MAPK8IP1: variants seen among roughly 807,000 people sequenced by gnomAD.
MAPK8IP1 encodes the protein mitogen-activated protein kinase 8 interacting protein 1, also known as C-Jun-amino-terminal kinase-interacting protein 1.
Under a neutral mutation model 72.6 loss-of-function variants are expected in MAPK8IP1, and 17 were observed. The observed-to-expected ratio is 0.23, with a 90% CI of 0.16 to 0.35. The LOEUF (loss-of-function observed/expected upper bound fraction) is 0.35. Among genes scored for constraint, MAPK8IP1 ranks in the 10% least tolerant of loss-of-function variants. The pLI, the probability that MAPK8IP1 is intolerant of heterozygous loss-of-function variation, is 1.00. For missense variants in MAPK8IP1, 789 were observed against 1,009.7 expected (o/e 0.78, Z 2.96); for synonymous variants, 401 against 443.4 (o/e 0.90, Z 1.20).
chr11:45,904,693 A>AC lies in MAPK8IP1; in HGVS notation c.1777-24dup, dbSNP rs765536670. The AC allele has an allele frequency of 9.3e-6, 15 of 1,611,446 alleles. No individual in the cohort carries two copies. Among genetic ancestry groups the AC allele is most frequent in the Middle Eastern group, 3.3e-4 (2 of 6,050 alleles). ...TCAGCAGAGGAACAGACAGCAGCTG[A>AC]CGTGGCTCCATTTGTCACCTGTAGA... On this transcript the variant is annotated intron_variant, in intron 8 of 11. Coordinates refer to ENST00000241014, the MANE Select transcript of MAPK8IP1 (RefSeq NM_005456.4). This position sits in a 1 kb window ranked among gnomAD's most constrained non-coding sequence, Gnocchi z 6.4.
chr11:45,895,788 T>G (rs1157967796), intron 1 of MAPK8IP1, among the ~76,000 whole-genome samples: 2 of 152,024 alleles, frequency 1.3e-5, no homozygotes, highest in Non-Finnish European at 2.9e-5. Context: ...GGTGACCATC[T>G]GGGCAACCAG....
At position 45,903,382 on chromosome 11, in the gene MAPK8IP1, C is replaced by T. The variant is rs754689894; in HGVS notation, c.1435C>T (p.Leu479=). Residue 479 remains leucine (L), a synonymous_variant, in exon 6 of 12, where the codon CTG becomes TTG. Transcript: ENST00000241014. This position sits in a 1 kb window ranked among gnomAD's most constrained non-coding sequence, Gnocchi z 6.4. The stretch of plus-strand genomic sequence containing the variant: ...ACCTGCAGGTGCTGAGTCCTTCGGG[C>T]TGTTCTCCTGCATCATCAACGGGGA... The part of the protein sequence containing the change: ...SRSSSAESFG[L]FSCIINGEEQ... 3 of 1,613,636 alleles carry T rather than the reference C, an allele frequency of 1.9e-6. No homozygotes were observed. In the African/African-American group the frequency reaches 4.0e-5, roughly 22 times the overall value.
chr11:45,896,616 C>G, intron 1 of MAPK8IP1: 2 of 1,351,600 alleles, frequency 1.5e-6, no homozygotes, highest in Non-Finnish European at 1.9e-6. Flanking sequence ...CCAGGCCAGC[C>G]GGGAGGAAGG....
In MAPK8IP1 at chr11:45,904,665, G is replaced by T. The variant is rs1025566641; in HGVS notation, c.1777-53G>T. Reference sequence around the variant, plus strand: ...AAGGGCTCAGGCCCTGGGACAGGAGGGATCAGCAGAGGAACAGACAGCAGC... The same window carrying T: ...AAGGGCTCAGGCCCTGGGACAGGAGTGATCAGCAGAGGAACAGACAGCAGC... On this transcript the variant is annotated intron_variant, in intron 8 of 11. Transcript: ENST00000241014. This position sits in a 1 kb window ranked among gnomAD's most constrained non-coding sequence, Gnocchi z 6.4. 6 of 1,601,470 alleles carry T rather than the reference G, an allele frequency of 3.7e-6. No homozygotes were observed. The African/African-American group carries it at 8.0e-5, about 21-fold the overall frequency.
rs1342396733 is a variant in MAPK8IP1 at position 45,896,548 on chromosome 11, T to C, written c.102-1537T>C. The C allele has an allele frequency of 1.1e-5, 13 of 1,147,294 alleles. No individual in the cohort carries two copies. The East Asian group carries it at 5.7e-4, about 50-fold the overall frequency. The allele number at this position is 1,147,294 out of a possible 1,614,324, so 71.1% of individuals were successfully genotyped here. A position where few individuals can be genotyped will look rare whatever the true frequency, so the allele number is the denominator to read the frequency against. On this transcript the variant is annotated intron_variant, in intron 1 of 11. Coordinates refer to ENST00000241014, the MANE Select transcript of MAPK8IP1 (RefSeq NM_005456.4). ...GGAAGGGCAGGTGGAGCCAGTGGCA[T>C]TGATTGCAGTAACCTGATCCCGTGA... is the stretch of plus-strand genomic sequence containing the variant.
chr11:45,886,042 T>C lies in MAPK8IP1; in HGVS notation c.101+121T>C, dbSNP rs1369179083. The stretch of plus-strand genomic sequence containing the variant: ...CGGGAACGAAAGGGCTGCGTGGGAG[T>C]GGGGTCTCTTCCCGGGACAGAGCCC... On this transcript the variant is annotated intron_variant, in intron 1 of 11. Coordinates refer to ENST00000241014, the MANE Select transcript of MAPK8IP1 (RefSeq NM_005456.4). The C allele has an allele frequency of 1.6e-5, 9 of 555,472 alleles. No homozygotes were observed. In the Admixed American group the frequency reaches 3.0e-4, roughly 18 times the overall value. 34.4% of individuals were successfully genotyped at this position (555,472 alleles called of 1,614,324 possible).
rs2086708082 is a variant in MAPK8IP1 at position 45,906,186 on chromosome 11, C to G, written c.*465C>G. The G allele has an allele frequency of 3.3e-6, 1 of 306,294 alleles. No homozygotes were observed. The highest frequency in any genetic ancestry group is 2.1e-5 in the African/African-American group (1 of 47,050). The allele number at this position is 306,294 out of a possible 1,614,324, so 19.0% of individuals were successfully genotyped here. On this transcript the variant is annotated 3_prime_UTR_variant, in exon 12 of 12. Coordinates refer to ENST00000241014, the MANE Select transcript of MAPK8IP1 (RefSeq NM_005456.4). The stretch of plus-strand genomic sequence containing the variant: ...CGAAGAGCCCTGAGCTCAGGCTGAG[C>G]CCAGCCACCTCCCAAGGACTTTCCA...
intron 1 of MAPK8IP1, among the ~76,000 whole-genome samples, chr11:45,890,242 G>T (rs923763087): frequency 1.3e-5 from 2 of 152,204 alleles, no homozygotes; most frequent in Admixed American, 1.3e-4. Flanking sequence ...ACAGCCAGAG[G>T]AGCTGGCAGG....
At position 45,903,228 on chromosome 11, in the gene MAPK8IP1, G is replaced by A. The variant is rs541131932; in HGVS notation, c.1417+44G>A. ...GCAGTGGGGTGGGGGGGTCCCTAGC[G>A]GGGGCAGAGCCAAAATGCGAAGTGT... is the stretch of plus-strand genomic sequence containing the variant. On this transcript the variant is annotated intron_variant, in intron 5 of 11. Coordinates refer to ENST00000241014, the MANE Select transcript of MAPK8IP1 (RefSeq NM_005456.4). This position sits in a 1 kb window ranked among gnomAD's most constrained non-coding sequence, Gnocchi z 6.4. 4.9e-5 allele frequency: 78 copies of A among 1,589,552 alleles called. No individual in the cohort carries two copies. Among genetic ancestry groups the A allele is most frequent in the South Asian group, 4.9e-4 (44 of 89,894 alleles).
intron 1 of MAPK8IP1, among the ~76,000 whole-genome samples, chr11:45,888,698 A>G (rs562299302): frequency 6.6e-6 from 1 of 151,078 alleles, no homozygotes; most frequent in South Asian, 2.1e-4. Flanking sequence ...TATTTTACAT[A>G]CTTTTTTTTT....
In MAPK8IP1 at chr11:45,900,184, G is replaced by A. The variant is rs1158609726; in HGVS notation, c.254G>A (p.Ser85Asn). ...TCTGCGGGCGGCGGCGGCGCGGGGA[G>A]CCGGTTGCAGGCCGAGATGCTGCAG... ...LLSAGGGGAGSRLQAEMLQMD... is the reference protein window; with the variant it reads ...LLSAGGGGAGNRLQAEMLQMD... Residue 85 changes from serine to asparagine, a missense_variant, in exon 3 of 12, where the codon AGC becomes AAC. By Grantham distance (46) the Ser-to-Asn change is conservative. Transcript: ENST00000241014. This position sits in a 1 kb window ranked among gnomAD's most constrained non-coding sequence, Gnocchi z 6.5. 6 of 1,315,394 alleles carry A rather than the reference G, an allele frequency of 4.6e-6. No homozygotes were observed. Among genetic ancestry groups the A allele is most frequent in the Non-Finnish European group, 4.8e-6 (5 of 1,039,636 alleles). 81.5% of individuals were successfully genotyped at this position (1,315,394 alleles called of 1,614,324 possible). A position where few individuals can be genotyped will look rare whatever the true frequency, so the allele number is the denominator to read the frequency against.
At chr11:45,889,157 T>C (rs921979496) in intron 1 of MAPK8IP1, among the ~76,000 whole-genome samples, 3 of 152,252 alleles carry the variant, frequency 2.0e-5, no homozygotes, top group African/African-American at 4.8e-5. Flanking sequence ...AATTGATTTT[T>C]TCTTATATAT....
At chr11:45,892,240 G>A (rs1019024563) in intron 1 of MAPK8IP1, among the ~76,000 whole-genome samples, 18 of 152,240 alleles carry the variant, frequency 1.2e-4, no homozygotes, top group African/African-American at 3.1e-4. Context: ...CCACCCCACC[G>A]TTTCAGCCAG....
At position 45,885,882 on chromosome 11, in the gene MAPK8IP1, C is replaced by T; in HGVS notation, c.62C>T (p.Pro21Leu). ...GGAASPPAASPFLGLHIASPP... is the reference protein window; with the variant it reads ...GGAASPPAASLFLGLHIASPP... ...GCCGCGTCCCCGCCCGCCGCCTCCC[C>T]GTTCCTGGGGCTGCACATCGCTTCG... is the stretch of plus-strand genomic sequence containing the variant. The change falls in exon 1 of 12, where the codon CCG becomes CTG. Residue 21 changes from proline to leucine, a missense_variant. Pro to Leu is a moderately conservative substitution (Grantham distance 98, BLOSUM62 -3). Transcript: ENST00000241014. 1.4e-6 allele frequency: 2 copies of T among 1,462,976 alleles called. No individual in the cohort carries two copies. The highest frequency in any genetic ancestry group is 1.8e-6 in the Non-Finnish European group (2 of 1,104,078). 90.6% of individuals were successfully genotyped at this position (1,462,976 alleles called of 1,614,324 possible). A position where few individuals can be genotyped will look rare whatever the true frequency, so the allele number is the denominator to read the frequency against.
chr11:45,896,880 A>T, intron 1 of MAPK8IP1: 1 of 1,554,790 alleles, frequency 6.4e-7, no homozygotes, highest in Non-Finnish European at 8.7e-7. Flanking sequence ...AGGGCTCTCC[A>T]TGCAGCTGGT....
rs2086638109 is a variant in MAPK8IP1 at position 45,900,073 on chromosome 11, G to T, written c.208-65G>T. On this transcript the variant is annotated intron_variant, in intron 2 of 11. Coordinates refer to ENST00000241014, the MANE Select transcript of MAPK8IP1 (RefSeq NM_005456.4). This position sits in a 1 kb window ranked among gnomAD's most constrained non-coding sequence, Gnocchi z 6.5. ...CAGAATGGACTCGCCCGGGCGGGGG[G>T]CGGTGCAAGCGGCCTCGGCCCCGCC... 9.8e-7 allele frequency: 1 copy of T among 1,016,490 alleles called. No individual in the cohort carries two copies. The highest frequency in any genetic ancestry group is 1.2e-6 in the Non-Finnish European group (1 of 813,196). 63.0% of individuals were successfully genotyped at this position (1,016,490 alleles called of 1,614,324 possible). A position where few individuals can be genotyped will look rare whatever the true frequency, so the allele number is the denominator to read the frequency against.
chr11:45,903,487 C>T lies in MAPK8IP1; in HGVS notation c.1493+47C>T. The T allele has an allele frequency of 1.3e-6, 2 of 1,512,286 alleles. No homozygotes were observed. The highest frequency in any genetic ancestry group is 2.3e-5 in the South Asian group (2 of 86,002). The allele number at this position is 1,512,286 out of a possible 1,614,324, so 93.7% of individuals were successfully genotyped here. On this transcript the variant is annotated intron_variant, in intron 6 of 11. Transcript: ENST00000241014. This position sits in a 1 kb window ranked among gnomAD's most constrained non-coding sequence, Gnocchi z 6.4. Reference sequence around the variant, plus strand: ...GGCCTAGCCAGGCAGCAGTTTGGGCCACACACCACCCTCTACTTGTCACCC... The same window carrying T: ...GGCCTAGCCAGGCAGCAGTTTGGGCTACACACCACCCTCTACTTGTCACCC...
chr11:45,903,589 T>G lies in MAPK8IP1; in HGVS notation c.1493+149T>G, dbSNP rs895948489. ...CCCTGGGAGGACAGTGTCCACTCTC[T>G]AGGGACTCAGAGTATGGTGACAAAG... On this transcript the variant is annotated intron_variant, in intron 6 of 11. Coordinates refer to ENST00000241014, the MANE Select transcript of MAPK8IP1 (RefSeq NM_005456.4). This position sits in a 1 kb window ranked among gnomAD's most constrained non-coding sequence, Gnocchi z 6.4. 16 of 737,560 alleles carry G rather than the reference T, an allele frequency of 2.2e-5. No individual in the cohort carries two copies. Among genetic ancestry groups the G allele is most frequent in the Non-Finnish European group, 2.4e-6 (1 of 424,562 alleles). The allele number at this position is 737,560 out of a possible 1,614,324, so 45.7% of individuals were successfully genotyped here.
At position 45,904,204 on chromosome 11, in the gene MAPK8IP1, G is replaced by T. The variant is rs148381852; in HGVS notation, c.1666+43G>T. 2 of 1,595,608 alleles carry T rather than the reference G, an allele frequency of 1.3e-6. No homozygotes were observed. The highest frequency in any genetic ancestry group is 2.2e-5 in the South Asian group (2 of 89,696). On this transcript the variant is annotated intron_variant, in intron 7 of 11. Transcript: ENST00000241014. This position sits in a 1 kb window ranked among gnomAD's most constrained non-coding sequence, Gnocchi z 6.4. ...GCCTGTGCCCCCAGCCACCACATCT[G>T]TCTGCCCCAACTTGCTGCTAGGTGA...
Sources: gnomAD v4.1 joint callset for allele counts (sites outside exome capture counted in the v4.1 genomes callset) on GRCh38, gnomAD v4.1.1 for gene constraint, Gnocchi (gnomAD v3.1) non-coding constraint, MANE v1.5 for transcripts, NCBI Gene and HGNC (gene_info 2026-07-23, HGNC 2026-07-21) for gene names.